The following ZNF614 variants were observed in gnomAD, a reference collection of about 807,000 sequenced individuals.
ZNF614 encodes the protein zinc finger protein 614.
ZNF614 carries 11 observed loss-of-function variants against 12.8 expected under a neutral mutation model. The ratio of observed to expected loss-of-function variants is 0.86; its 90% confidence interval spans 0.54 to 1.43. The LOEUF is 1.43. Among genes scored for constraint, ZNF614 ranks in the 40% most tolerant of loss-of-function variants. ZNF614 has a pLI of 0.00. For missense variants in ZNF614, 664 were observed against 708.8 expected (o/e 0.94, Z 0.72); for synonymous variants, 237 against 237.5 (o/e 1.00, Z 0.02).
At chr19:52,018,669 T>C (rs999988802) in intron 2 of ZNF614, among the ~76,000 whole-genome samples, 175 bp from the exon 3 acceptor site, 1 of 152,184 alleles carries the variant, frequency 6.6e-6, no homozygotes, top group Non-Finnish European at 1.5e-5. Flanking sequence ...TTTCTAAATA[T>C]TAAACGTAGG....
intron 1 of ZNF614, among the ~76,000 whole-genome samples, chr19:52,027,217 G>C (rs1187300917): frequency 3.3e-5 from 5 of 152,236 alleles, no homozygotes; most frequent in Non-Finnish European, 5.9e-5. Context: ...CACATGGAAG[G>C]CTCCAAGAAT....
Position 52,018,050 on chromosome 19 carries a change from G to A in ZNF614, c.196C>T (p.Pro66Ser). Residue 66 changes from proline to serine, a missense_variant, in exon 4 of 5, where the codon CCA becomes TCA. Coordinates refer to ENST00000270649, the MANE Select transcript of ZNF614 (RefSeq NM_025040.4). ...TGAATTTTAGCATCTGTTGTCCATG[G>A]TTCTTGTCCATGTGCCAACTTGGAG... is the stretch of plus-strand genomic sequence containing the variant. ...VLSKLAHGQE[P>S]WTTDAKIQNK... 1.2e-6 allele frequency: 2 copies of A among 1,613,984 alleles called. No individual in the cohort carries two copies. The highest frequency in any genetic ancestry group is 1.7e-6 in the Non-Finnish European group (2 of 1,179,958).
intron 1 of ZNF614, among the ~76,000 whole-genome samples, chr19:52,027,703 A>G (rs2086984129): frequency 6.6e-6 from 1 of 152,218 alleles, no homozygotes; most frequent in Non-Finnish European, 1.5e-5. Flanking sequence ...GGGTGTATAT[A>G]TAAGAATATG....
At chr19:52,024,999 C>T (rs2086962113) in intron 2 of ZNF614, among the ~76,000 whole-genome samples, 1 of 152,194 alleles carries the variant, frequency 6.6e-6, no homozygotes, top group African/African-American at 2.4e-5. Context: ...CTGCCAACTA[C>T]TTGGGAGGCT....
In ZNF614 at chr19:52,016,667, C is replaced by T; in HGVS notation, c.931G>A (p.Gly311Arg). The change falls in exon 5 of 5, where the codon GGA becomes AGA. Residue 311 changes from glycine to arginine, a missense_variant. By Grantham distance (125) the Gly-to-Arg change is moderately radical. Coordinates refer to ENST00000270649, the MANE Select transcript of ZNF614 (RefSeq NM_025040.4). ...TCTTTGCACACATAAGGTTTCTCTCCACTATGAGTTCGCTGATGAGCAATT... is the reference window on the plus strand; with the variant it reads ...TCTTTGCACACATAAGGTTTCTCTCTACTATGAGTTCGCTGATGAGCAATT... The part of the protein sequence containing the change: ...YLIAHQRTHS[G>R]EKPYVCKECG... The T allele has an allele frequency of 6.2e-7, 1 of 1,614,184 alleles. No homozygotes were observed. The highest frequency in any genetic ancestry group is 8.5e-7 in the Non-Finnish European group (1 of 1,180,042).
chr19:52,021,481 G>A (rs2086932737), intron 2 of ZNF614, among the ~76,000 whole-genome samples: 1 of 152,086 alleles, frequency 6.6e-6, no homozygotes. Flanking sequence ...CCAGGAGTGG[G>A]GCACACATCT....
chr19:52,017,901 A>G (rs995519148), intron 4 of ZNF614, 107 bp downstream of exon 4: 3 of 728,054 alleles, frequency 4.1e-6, no homozygotes, highest in Non-Finnish European at 4.6e-6. Flanking sequence ...AGATGAATAT[A>G]TAGTGGAGCT....
chr19:52,022,746 A>C (rs2086940229), intron 2 of ZNF614, among the ~76,000 whole-genome samples: 1 of 152,182 alleles, frequency 6.6e-6, no homozygotes, highest in African/African-American at 2.4e-5. Context: ...AGAACTCAGG[A>C]AACACTTTAC....
rs768632555 is a variant in ZNF614 at position 52,017,238 on chromosome 19, A to G, written c.360T>C (p.His120=). ...LRNIVHLSKT[H]FPIVQNHDTF... ...TATCATGATTTTGCACTATAGGAAA[A>G]TGTGTCTTGCTGAGATGTACAATAT... Residue 120 remains histidine (H), a synonymous_variant, in exon 5 of 5, where the codon CAT becomes CAC. Transcript: ENST00000270649. The G allele has an allele frequency of 6.2e-7, 1 of 1,614,082 alleles. No homozygotes were observed. Among genetic ancestry groups the G allele is most frequent in the South Asian group, 1.1e-5 (1 of 91,080 alleles).
At position 52,016,081 on chromosome 19, in the gene ZNF614, G is replaced by T. The variant is rs750226700; in HGVS notation, c.1517C>A (p.Thr506Lys). The change falls in exon 5 of 5, where the codon ACA becomes AAA. Residue 506 changes from threonine to lysine, a missense_variant. Thr to Lys is a moderately conservative substitution (Grantham distance 78). Transcript: ENST00000270649. ...ATTGCACTCATAAGGTTTCTCTCCTGTGTGAATTCTCTGATGGGTAATGAG... is the reference window on the plus strand; with the variant it reads ...ATTGCACTCATAAGGTTTCTCTCCTTTGTGAATTCTCTGATGGGTAATGAG... Reference protein sequence around the residue: ...YGLITHQRIHTGEKPYECNEC... With the variant: ...YGLITHQRIHKGEKPYECNEC... 6.2e-7 allele frequency: 1 copy of T among 1,614,114 alleles called. No individual in the cohort carries two copies. The highest frequency in any genetic ancestry group is 8.5e-7 in the Non-Finnish European group (1 of 1,180,016).
chr19:52,018,807 A>G (rs548101285), intron 2 of ZNF614, among the ~76,000 whole-genome samples: 3 of 152,212 alleles, frequency 2.0e-5, no homozygotes, highest in African/African-American at 4.8e-5. Flanking sequence ...AATGTAAGAG[A>G]AAAGATGAAA....
intron 1 of ZNF614, among the ~76,000 whole-genome samples, chr19:52,026,982 A>G (rs1234631219): frequency 6.6e-6 from 1 of 152,222 alleles, no homozygotes; most frequent in East Asian, 1.9e-4. Flanking sequence ...CCGAGGTGGT[A>G]GAGATAGTGA....
At chr19:52,019,077 T>C (rs1213138064) in intron 2 of ZNF614, among the ~76,000 whole-genome samples, 1 of 152,072 alleles carries the variant, frequency 6.6e-6, no homozygotes, top group Non-Finnish European at 1.5e-5. Context: ...GGTCTTGAAG[T>C]CCTGGCCTCA....
chr19:52,017,960 A>C, intron 4 of ZNF614, 48 bp downstream of exon 4: 1 of 1,438,972 alleles, frequency 6.9e-7, no homozygotes, highest in Non-Finnish European at 9.7e-7. Context: ...TTCCTTAATG[A>C]CTACAATAAG....
At position 52,016,171 on chromosome 19, in the gene ZNF614, C is replaced by T; in HGVS notation, c.1427G>A (p.Cys476Tyr). 6.2e-7 allele frequency: 1 copy of T among 1,614,140 alleles called. No homozygotes were observed. The highest frequency in any genetic ancestry group is 8.5e-7 in the Non-Finnish European group (1 of 1,180,024). ...QKICLIQHER[C>Y]HTGKTPFVCT... Reference sequence around the variant, plus strand: ...TACAAAGGGAGTCTTTCCTGTATGACATCTCTCATGTTGTATGAGGCATAT... The same window carrying T: ...TACAAAGGGAGTCTTTCCTGTATGATATCTCTCATGTTGTATGAGGCATAT... Residue 476 changes from cysteine (C) to tyrosine (Y), a missense_variant, in exon 5 of 5, where the codon TGT becomes TAT. Coordinates refer to ENST00000270649, the MANE Select transcript of ZNF614 (RefSeq NM_025040.4).
Position 52,017,153 on chromosome 19 carries a change from T to G in ZNF614, c.445A>C (p.Arg149=). ...SSLSLINQKR[R]HGINNPVEFI... ...TCAACAGGGTTATTTATTCCATGTC[T>G]TCTCTTCTGGTTGATTAAACTTAAA... The change falls in exon 5 of 5, where the codon AGA becomes CGA. Residue 149 remains arginine (R), a synonymous_variant. Coordinates refer to ENST00000270649, the MANE Select transcript of ZNF614 (RefSeq NM_025040.4). 1 of 1,614,234 alleles carries G rather than the reference T, an allele frequency of 6.2e-7. No homozygotes were observed. The highest frequency in any genetic ancestry group is 1.1e-5 in the South Asian group (1 of 91,082).
At chr19:52,027,789 T>A (rs1236372495) in intron 1 of ZNF614, among the ~76,000 whole-genome samples, 1 of 152,136 alleles carries the variant, frequency 6.6e-6, no homozygotes, top group African/African-American at 2.4e-5. Flanking sequence ...GAAGACTACA[T>A]TACCCTACTT....
chr19:52,022,437 G>A (rs570503284), intron 2 of ZNF614, among the ~76,000 whole-genome samples: 1 of 152,090 alleles, frequency 6.6e-6, no homozygotes, highest in Non-Finnish European at 1.5e-5. Context: ...CCCCCGCAAC[G>A]TCTGGGAAGT....
chr19:52,025,045 C>T (rs746948610), intron 2 of ZNF614, among the ~76,000 whole-genome samples: 18 of 152,168 alleles, frequency 1.2e-4, no homozygotes, highest in Non-Finnish European at 2.6e-4. Context: ...GGAGGCAGAG[C>T]TTGCAGTGAG....
Sources: allele counts gnomAD v4.1 joint callset (sites outside exome capture counted in the v4.1 genomes callset), GRCh38; gene constraint gnomAD v4.1.1; transcripts MANE v1.5; gene names NCBI Gene and HGNC (gene_info 2026-07-23, HGNC 2026-07-21).